The following NRXN1 variants were observed in gnomAD, a reference collection of about 807,000 sequenced individuals.
The protein encoded by NRXN1 is neurexin-1.
Under a neutral mutation model 150.9 loss-of-function variants are expected in NRXN1, and 39 were observed. The observed-to-expected ratio is 0.26, with a 90% CI of 0.20 to 0.34. NRXN1 has a LOEUF of 0.34. Among genes scored for constraint, NRXN1 ranks in the 10% least tolerant of loss-of-function variants. NRXN1 has a pLI of 1.00. For synonymous variants in NRXN1, 924 were observed against 757.0 expected, an observed-to-expected ratio of 1.22 and a Z score of -3.62; for missense variants, 1,815 against 1,949.9, an observed-to-expected ratio of 0.93 and a Z score of 1.30.
chr2:50,166,314 TG>T (rs2059683907), intron 18 of NRXN1, among the ~76,000 whole-genome samples: 1 of 144,938 alleles, frequency 6.9e-6, no homozygotes, highest in African/African-American at 2.8e-5. Flanking sequence ...TGTGTGTGTG[TG>T]TGTGTGTGTT....
chr2:50,329,472 G>C (rs1374140912), intron 17 of NRXN1, among the ~76,000 whole-genome samples: 1 of 150,830 alleles, frequency 6.6e-6, no homozygotes, highest in African/African-American at 2.4e-5. Flanking sequence ...GGAGAACTCA[G>C]TTTGGCAGTG....
At chr2:50,605,322 T>G (rs981966726) in intron 8 of NRXN1, among the ~76,000 whole-genome samples, 1 of 152,182 alleles carries the variant, frequency 6.6e-6, no homozygotes, top group Non-Finnish European at 1.5e-5. Context: ...TATCCATATT[T>G]GTAAATCCAG....
intron 8 of NRXN1, among the ~76,000 whole-genome samples, chr2:50,563,317 G>A (rs945308716): frequency 1.3e-5 from 2 of 152,174 alleles, no homozygotes; most frequent in Admixed American, 6.5e-5. Context: ...TATCATATCA[G>A]AGAATCTGGC....
intron 19 of NRXN1, among the ~76,000 whole-genome samples, chr2:50,079,761 A>G (rs909015876): frequency 2.6e-5 from 4 of 152,240 alleles, no homozygotes; most frequent in Admixed American, 6.5e-5. Flanking sequence ...TTGAAAAATT[A>G]TCTAGTAAGA....
rs140078486 is a variant in NRXN1, at chr2:50,661,388, C to T, written c.833-37773G>A. On this transcript the variant is annotated intron_variant, in intron 5 of 22. Transcript: ENST00000401669. ...CTCAGTTTAACATGAACTGTTCAAG[C>T]GTAACAACAAATTAGGTGCATGAAT... 8.5e-5 allele frequency among the ~76,000 whole-genome samples: 13 copies of T among 152,168 alleles called. 1 individual carries two copies. Among genetic ancestry groups the T allele is most frequent in the East Asian group, 3.9e-4 (2 of 5,136 alleles).
chr2:50,470,907 G>C (rs1309429512), intron 16 of NRXN1, among the ~76,000 whole-genome samples: 1 of 151,804 alleles, frequency 6.6e-6, no homozygotes, highest in Non-Finnish European at 1.5e-5. Context: ...AGATACTTCA[G>C]TGCATTTCTG....
At chr2:50,455,472 T>C (rs1306836788) in intron 17 of NRXN1, among the ~76,000 whole-genome samples, 1 of 152,170 alleles carries the variant, frequency 6.6e-6, no homozygotes, top group Non-Finnish European at 1.5e-5. Context: ...GTTTTATCTT[T>C]AGCACTTCAA....
At chr2:50,162,838 T>C (rs1043827575) in intron 18 of NRXN1, among the ~76,000 whole-genome samples, 1 of 152,032 alleles carries the variant, frequency 6.6e-6, no homozygotes, top group African/African-American at 2.4e-5. Flanking sequence ...TCCAAATAAA[T>C]TATCTTTGAA....
intron 2 of NRXN1, among the ~76,000 whole-genome samples, chr2:50,943,332 C>T (rs1041431514): frequency 6.6e-6 from 1 of 152,138 alleles, no homozygotes; most frequent in African/African-American, 2.4e-5. Context: ...TTTGCAATTA[C>T]TTTTACTGGC....
At chr2:50,627,931 GA>G (rs1005099972) in intron 5 of NRXN1, among the ~76,000 whole-genome samples, 24 of 151,330 alleles carry the variant, frequency 1.6e-4, no homozygotes, top group South Asian at 6.2e-4. Context: ...GAAAAAAAGA[GA>G]AAAAAAACTG....
chr2:50,029,702 T>A (rs1285189871), intron 21 of NRXN1, among the ~76,000 whole-genome samples: 1 of 152,174 alleles, frequency 6.6e-6, no homozygotes, highest in African/African-American at 2.4e-5. Context: ...AATAAATTTC[T>A]GTTCTTTAAA....
At chr2:50,434,646 A>T (rs896567940) in intron 17 of NRXN1, among the ~76,000 whole-genome samples, 3 of 152,062 alleles carry the variant, frequency 2.0e-5, no homozygotes, top group African/African-American at 7.2e-5. Flanking sequence ...TGTGAAATAT[A>T]TTTACAGCCA....
At chr2:50,900,244 A>AT (rs929475491) in intron 5 of NRXN1, among the ~76,000 whole-genome samples, 5 of 152,152 alleles carry the variant, frequency 3.3e-5, no homozygotes, top group African/African-American at 1.2e-4. Context: ...ACAATGTGGG[A>AT]TTTTTAAGTG....
At chr2:50,147,835 T>C (rs768434541) in intron 18 of NRXN1, among the ~76,000 whole-genome samples, 2 of 151,790 alleles carry the variant, frequency 1.3e-5, no homozygotes. Context: ...CCATGGTGTC[T>C]TTTAAAGTAC....
At chr2:50,239,654 C>T (rs1377451158) in intron 17 of NRXN1, among the ~76,000 whole-genome samples, 2 of 88,136 alleles carry the variant, frequency 2.3e-5, no homozygotes, top group East Asian at 3.7e-4. Context: ...ATCCTGATAC[C>T]TATTCCAGTA....
chr2:50,769,753 C>T (rs749135663), intron 5 of NRXN1, among the ~76,000 whole-genome samples: 43 of 151,944 alleles, frequency 2.8e-4, no homozygotes, highest in Non-Finnish European at 5.4e-4. Flanking sequence ...AAAATTATTG[C>T]CATGAGGTTC....
At chr2:49,931,797 ACTGAGCTT>A (rs1670174710) in intron 22 of NRXN1, among the ~76,000 whole-genome samples, 1 of 152,206 alleles carries the variant, frequency 6.6e-6, no homozygotes, top group Non-Finnish European at 1.5e-5. Flanking sequence ...TTTCAACTCA[ACTGAGCTT>A]CTTGATACCA....
intron 18 of NRXN1, among the ~76,000 whole-genome samples, chr2:50,232,669 G>A (rs1364255631): frequency 6.6e-6 from 1 of 151,912 alleles, no homozygotes; most frequent in African/African-American, 2.4e-5. Context: ...ACAGGCGTGA[G>A]CCACTGAGCC....
intron 18 of NRXN1, among the ~76,000 whole-genome samples, chr2:50,191,500 GCCA>G (rs924586170): frequency 6.6e-5 from 10 of 152,020 alleles, no homozygotes; most frequent in African/African-American, 2.2e-4. Flanking sequence ...GATATATGTG[GCCA>G]CCACCACAGT....
Sources: allele counts gnomAD v4.1 joint callset (sites outside exome capture counted in the v4.1 genomes callset), GRCh38; gene constraint gnomAD v4.1.1; transcripts MANE v1.5; gene names NCBI Gene and HGNC (gene_info 2026-07-23, HGNC 2026-07-21).